C2orf76: variants seen among roughly 807,000 people sequenced by gnomAD.
C2orf76 encodes UPF0538 protein C2orf76.
In C2orf76, 23 loss-of-function variants were observed where a neutral mutation model predicts 16.9. The observed-to-expected ratio is 1.36, with a 90% CI of 0.98 to 1.93. The LOEUF is 1.93. C2orf76 is among the 30% of genes most tolerant of loss of function. The pLI, the probability that C2orf76 is intolerant of heterozygous loss-of-function variation, is 0.00. For missense variants in C2orf76, 152 were observed against 152.6 expected, an observed-to-expected ratio of 1.00 and a Z score of 0.02; for synonymous variants, 48 against 52.3, an observed-to-expected ratio of 0.92 and a Z score of 0.35.
chr2:119,320,985 A>C (rs1178708943), intron 3 of C2orf76, among the ~76,000 whole-genome samples, 169 bp downstream of exon 3: 1 of 152,180 alleles, frequency 6.6e-6, no homozygotes, highest in African/African-American at 2.4e-5. Flanking sequence ...CCACTTCCTT[A>C]CTATTACAAT....
chr2:119,346,752 T>C (rs1238039100), intron 1 of C2orf76, among the ~76,000 whole-genome samples: 1 of 152,182 alleles, frequency 6.6e-6, no homozygotes, highest in African/African-American at 2.4e-5. Context: ...CTACATGTGA[T>C]ATAACTGCAC....
chr2:119,312,851 C>T (rs1477978734), intron 4 of C2orf76, among the ~76,000 whole-genome samples: 15 of 152,032 alleles, frequency 9.9e-5, no homozygotes, highest in African/African-American at 1.4e-4. Context: ...CATGGTAAAA[C>T]CCCGTCTCTA....
At chr2:119,330,353 C>A (rs1258617345) in intron 2 of C2orf76, among the ~76,000 whole-genome samples, 88 of 137,544 alleles carry the variant, frequency 6.4e-4, no homozygotes, top group Non-Finnish European at 5.8e-4. Context: ...CTCTCCATCT[C>A]AAAAAAAAAA....
At chr2:119,363,044 A>C (rs1573697725) in intron 1 of C2orf76, among the ~76,000 whole-genome samples, 5 of 143,192 alleles carry the variant, frequency 3.5e-5, no homozygotes, top group Admixed American at 7.2e-5. Context: ...ACCAACTCTC[A>C]CCTCCCTCAG....
At chr2:119,310,644 G>A (rs1678953980) in intron 5 of C2orf76, among the ~76,000 whole-genome samples, 1 of 152,170 alleles carries the variant, frequency 6.6e-6, no homozygotes, top group Admixed American at 6.5e-5. Context: ...GGCCGAGGCA[G>A]GCAGATCGCC....
chr2:119,344,173 T>G (rs1380560181), intron 1 of C2orf76, among the ~76,000 whole-genome samples: 1 of 152,248 alleles, frequency 6.6e-6, no homozygotes, highest in East Asian at 1.9e-4. Flanking sequence ...TGTGCTTCAA[T>G]TTATACTCAG....
intron 1 of C2orf76, among the ~76,000 whole-genome samples, chr2:119,342,853 C>T (rs1680078612): frequency 6.6e-6 from 1 of 151,864 alleles, no homozygotes; most frequent in South Asian, 2.1e-4. Flanking sequence ...GTCCCTCTCC[C>T]GGGTTCAAGC....
chr2:119,334,931 T>C (rs945114895), intron 2 of C2orf76, among the ~76,000 whole-genome samples: 1 of 152,110 alleles, frequency 6.6e-6, no homozygotes, highest in Admixed American at 6.6e-5. Flanking sequence ...ATCAAGTTGC[T>C]TCCCATGGGG....
At chr2:119,360,507 TAC>T (rs2104652203) in intron 1 of C2orf76, among the ~76,000 whole-genome samples, 1 of 143,002 alleles carries the variant, frequency 7.0e-6, no homozygotes, top group Non-Finnish European at 1.5e-5. Context: ...AAAAGATATA[TAC>T]ACCTGTTTGA....
chr2:119,330,352 T>G (rs1048535582), intron 2 of C2orf76, among the ~76,000 whole-genome samples: 4 of 88,134 alleles, frequency 4.5e-5, no homozygotes, highest in Non-Finnish European at 9.7e-5. Context: ...ACTCTCCATC[T>G]CAAAAAAAAA....
At chr2:119,281,521 AAGAG>A in the C2orf76 span, among the ~76,000 whole-genome samples, 1 of 150,330 alleles carries the variant, frequency 6.7e-6, no homozygotes, top group East Asian at 2.0e-4. Context: ...AGAAAATAAA[AAGAG>A]AGAGAGAGAG....
the C2orf76 span, among the ~76,000 whole-genome samples, chr2:119,284,671 T>G: frequency 1.3e-5 from 2 of 148,776 alleles, 1 homozygote; most frequent in East Asian, 3.9e-4. Flanking sequence ...TGGGTTGTTT[T>G]GGGATTTTGG....
chr2:119,288,063 G>A, the C2orf76 span, among the ~76,000 whole-genome samples: 1 of 152,006 alleles, frequency 6.6e-6, no homozygotes, highest in African/African-American at 2.4e-5. Flanking sequence ...GGCATGTTCT[G>A]CATCTTGACT....
intron 3 of C2orf76, 79 bp from the exon 4 acceptor site, chr2:119,317,582 G>T: frequency 8.5e-7 from 1 of 1,180,914 alleles, no homozygotes; most frequent in Non-Finnish European, 1.2e-6. Context: ...GGTGGAGGGT[G>T]GCTACGAAAT....
At chr2:119,331,093 T>C (rs192881500) in intron 2 of C2orf76, among the ~76,000 whole-genome samples, 1 of 152,320 alleles carries the variant, frequency 6.6e-6, no homozygotes, top group Admixed American at 6.5e-5. Flanking sequence ...TAAGTTCTGA[T>C]TTGATGCTAG....
At chr2:119,345,383 T>G (rs1199172077) in intron 1 of C2orf76, among the ~76,000 whole-genome samples, 1 of 152,210 alleles carries the variant, frequency 6.6e-6, no homozygotes, top group African/African-American at 2.4e-5. Context: ...AACAAATATT[T>G]TTTTATAAAC....
intron 2 of C2orf76, among the ~76,000 whole-genome samples, chr2:119,329,385 T>C (rs868533266): frequency 1.3e-5 from 2 of 152,216 alleles, no homozygotes; most frequent in Middle Eastern, 3.4e-3. Context: ...CATCCTTCTA[T>C]TCTTACTTGA....
At chr2:119,332,085 G>A (rs1177771428) in intron 2 of C2orf76, among the ~76,000 whole-genome samples, 1 of 151,944 alleles carries the variant, frequency 6.6e-6, no homozygotes, top group Non-Finnish European at 1.5e-5. Context: ...ATGCCCCAGG[G>A]GAGTCTGAAA....
chr2:119,320,473 C>T (rs1679308142), intron 3 of C2orf76, among the ~76,000 whole-genome samples: 1 of 152,140 alleles, frequency 6.6e-6, no homozygotes. Context: ...CCCCTTATAA[C>T]CTCACAATTA....
Sources: gnomAD v4.1 joint callset for allele counts (sites outside exome capture counted in the v4.1 genomes callset) on GRCh38, gnomAD v4.1.1 for gene constraint, MANE v1.5 for transcripts, NCBI Gene and HGNC (gene_info 2026-07-23, HGNC 2026-07-21) for gene names.